ATPAF1: variants seen among roughly 807,000 people sequenced by gnomAD.
The protein encoded by ATPAF1 is homolog of yeast ATP11.
ATPAF1 carries 26 observed loss-of-function variants against 43.9 expected under a neutral mutation model. The ratio of observed to expected loss-of-function variants is 0.59; its 90% confidence interval spans 0.43 to 0.82. The LOEUF is 0.82. ATPAF1 is among the 40% of genes least tolerant of loss of function. The pLI, the probability that ATPAF1 is intolerant of heterozygous loss-of-function variation, is 0.00. For synonymous variants in ATPAF1, 157 were observed against 168.0 expected, an observed-to-expected ratio of 0.93 and a Z score of 0.50; for missense variants, 366 against 435.0, an observed-to-expected ratio of 0.84 and a Z score of 1.41.
chr1:46,644,673 T>C (rs933785650), intron 7 of ATPAF1, among the ~76,000 whole-genome samples: 3 of 152,100 alleles, frequency 2.0e-5, no homozygotes, highest in African/African-American at 7.2e-5. Flanking sequence ...AACTTTTAAA[T>C]ATAATATTTA....
chr1:46,656,046 T>C (rs556024589), intron 4 of ATPAF1, among the ~76,000 whole-genome samples: 1 of 152,262 alleles, frequency 6.6e-6, no homozygotes, highest in African/African-American at 2.4e-5. Context: ...TGATAGATGA[T>C]TGTGAAATAA....
At chr1:46,643,648 G>A (rs1206862596) in intron 7 of ATPAF1, among the ~76,000 whole-genome samples, 6 of 152,228 alleles carry the variant, frequency 3.9e-5, no homozygotes, top group Non-Finnish European at 8.8e-5. Flanking sequence ...CTGTGTAATT[G>A]CCACTTTCAT....
chr1:46,648,569 C>A lies in ATPAF1; in HGVS notation c.589-3313G>T, dbSNP rs533205370. Among the ~76,000 whole-genome samples, 46 of 152,250 alleles carry A rather than the reference C, an allele frequency of 3.0e-4. 1 individual carries two copies. In the South Asian group the frequency reaches 9.3e-3, roughly 31 times the overall value. On this transcript the variant is annotated intron_variant, in intron 6 of 8. Coordinates refer to ENST00000574428, the Ensembl canonical transcript of ATPAF1. Reference sequence around the variant, plus strand: ...TTTTTTTTATAGAGACAAGGTCTCACTATATTGCCCAAGGTGATTTTTTTC... The same window carrying A: ...TTTTTTTTATAGAGACAAGGTCTCAATATATTGCCCAAGGTGATTTTTTTC...
At chr1:46,657,765 AAGG>A (rs1676299903) in intron 4 of ATPAF1, among the ~76,000 whole-genome samples, 1 of 152,178 alleles carries the variant, frequency 6.6e-6, no homozygotes, top group African/African-American at 2.4e-5. Context: ...TCCATAATGA[AAGG>A]AGAAGTTTCA....
At chr1:46,650,843 A>G (rs561228397) in intron 6 of ATPAF1, among the ~76,000 whole-genome samples, 7 of 151,788 alleles carry the variant, frequency 4.6e-5, no homozygotes, top group African/African-American at 1.4e-4. Flanking sequence ...TCATAGAAGG[A>G]GAGAGTAGGA....
At position 46,638,591 on chromosome 1, in the gene ATPAF1, C is replaced by G. The variant is rs971033397; in HGVS notation, c.793-2621G>C. 3.3e-5 allele frequency among the ~76,000 whole-genome samples: 5 copies of G among 149,996 alleles called. No individual in the cohort carries two copies. In the Admixed American group the frequency reaches 3.3e-4, roughly 10 times the overall value. Reference sequence around the variant, plus strand: ...GAGCCGAGATCCAGCCACTGCACTCCAGCCTTGGTGAAAAGAGCAAGACTG... The same window carrying G: ...GAGCCGAGATCCAGCCACTGCACTCGAGCCTTGGTGAAAAGAGCAAGACTG... On this transcript the variant is annotated intron_variant, in intron 8 of 8. Transcript: ENST00000574428.
chr1:46,636,178 C>T (rs1044120352), intron 8 of ATPAF1: 1 of 648,266 alleles, frequency 1.5e-6, no homozygotes, highest in Admixed American at 2.6e-5. Context: ...ATTTATCACA[C>T]TGTATTGTAT....
chr1:46,638,453 C>T (rs1021291720), intron 8 of ATPAF1, among the ~76,000 whole-genome samples: 8 of 152,186 alleles, frequency 5.3e-5, no homozygotes, highest in Non-Finnish European at 1.2e-4. Context: ...CCCGTCTCTA[C>T]TACAAATACA....
In ATPAF1 at chr1:46,653,184, TC is replaced by T. The variant is rs1676203593; in HGVS notation, c.541-557del. Among the ~76,000 whole-genome samples, 1 of 151,836 alleles carries T rather than the reference TC, an allele frequency of 6.6e-6. No individual in the cohort carries two copies. On this transcript the variant is annotated intron_variant, in intron 5 of 8. Transcript: ENST00000574428. The surrounding 1 kb of genome is among the most constrained non-coding windows in gnomAD (Gnocchi z 4.8). Reference sequence around the variant, plus strand: ...GAAACTTAACCTAAGCTCCCACCCCTCCTTCAGGGAAAAACAAAGAACTAGC... The same window carrying T: ...GAAACTTAACCTAAGCTCCCACCCCTCTTCAGGGAAAAACAAAGAACTAGC...
intron 4 of ATPAF1, among the ~76,000 whole-genome samples, chr1:46,656,261 G>A (rs1676271646): frequency 6.6e-6 from 1 of 152,168 alleles, no homozygotes; most frequent in South Asian, 2.1e-4. Flanking sequence ...AGGCATAGAA[G>A]TAGAGGAGGG....
At chr1:46,640,901 C>T (rs1428339981) in intron 8 of ATPAF1, among the ~76,000 whole-genome samples, 1 of 152,102 alleles carries the variant, frequency 6.6e-6, no homozygotes, top group Non-Finnish European at 1.5e-5. Flanking sequence ...ACTTATACCA[C>T]TACCTCTATC....
At chr1:46,641,620 T>C (rs1247643055) in intron 8 of ATPAF1, among the ~76,000 whole-genome samples, 1 of 152,224 alleles carries the variant, frequency 6.6e-6, no homozygotes, top group Non-Finnish European at 1.5e-5. Flanking sequence ...GTGACTTCCA[T>C]GTTTGTGAAA....
At chr1:46,641,695 A>C (rs1466165253) in intron 8 of ATPAF1, among the ~76,000 whole-genome samples, 1 of 152,202 alleles carries the variant, frequency 6.6e-6, no homozygotes, top group Non-Finnish European at 1.5e-5. Flanking sequence ...TGAGTTGAGC[A>C]GTCCCTATTC....
Position 46,668,174 on chromosome 1 carries a change from C to A in ATPAF1, c.149G>T (p.Arg50Leu). The A allele has an allele frequency of 7.1e-7, 1 of 1,401,588 alleles. No homozygotes were observed. Among genetic ancestry groups the A allele is most frequent in the Non-Finnish European group, 9.3e-7 (1 of 1,078,438 alleles). 86.8% of individuals were successfully genotyped at this position (1,401,588 alleles called of 1,614,324 possible). A position where few individuals can be genotyped will look rare whatever the true frequency, so the allele number is the denominator to read the frequency against. ...CCCCTCGGGCCGGCCCGAGCCGGGG[C>A]GCACTGGGAAGACGCGCAGCTGCGC... Residue 50 changes from arginine (R) to leucine (L), a missense_variant, in exon 1 of 9, where the codon CGC (arginine) becomes CTC (leucine). Physicochemically the swap from Arg to Leu is moderately radical, Grantham distance 102. Coordinates refer to ENST00000574428, the Ensembl canonical transcript of ATPAF1. This position sits in a 1 kb window ranked among gnomAD's most constrained non-coding sequence, Gnocchi z 4.4.
At chr1:46,641,578 A>G (rs1260507102) in intron 8 of ATPAF1, among the ~76,000 whole-genome samples, 2 of 151,998 alleles carry the variant, frequency 1.3e-5, no homozygotes, top group East Asian at 3.8e-4. Context: ...CTCCAATCAC[A>G]CTTTTATGAA....
At chr1:46,667,765 C>T (rs1384272050) in intron 1 of ATPAF1, among the ~76,000 whole-genome samples, 3 of 152,318 alleles carry the variant, frequency 2.0e-5, no homozygotes, top group East Asian at 1.9e-4. Context: ...ATAATGAGGA[C>T]AGGTGTCTCT....
exon 8 of ATPAF1, chr1:46,643,220 T>G: frequency 6.2e-7 from 1 of 1,613,650 alleles, no homozygotes; most frequent in East Asian, 2.2e-5. Flanking sequence ...ATTTCTGCAG[T>G]CATCAGCACT....
intron 3 of ATPAF1, 94 bp downstream of exon 3, chr1:46,658,593 G>T: frequency 1.1e-6 from 1 of 893,454 alleles, no homozygotes; most frequent in Non-Finnish European, 1.7e-6. Context: ...CAAAATCACT[G>T]AGCCACAGTA....
Position 46,640,674 on chromosome 1 carries a change from T to C in ATPAF1, c.792+2520A>G, listed in dbSNP as rs371561097. 6.6e-5 allele frequency among the ~76,000 whole-genome samples: 10 copies of C among 152,094 alleles called. No individual in the cohort carries two copies. The South Asian group carries it at 1.3e-3, about 19-fold the overall frequency. On this transcript the variant is annotated intron_variant, in intron 8 of 8. Coordinates refer to ENST00000574428, the Ensembl canonical transcript of ATPAF1. Reference sequence around the variant, plus strand: ...AACAAACAAACAAAAAAAGAGTTTTTCCCCCTAATCATTTAAAGAGGTAGA... The same window carrying C: ...AACAAACAAACAAAAAAAGAGTTTTCCCCCCTAATCATTTAAAGAGGTAGA...
Sources: allele counts gnomAD v4.1 joint callset (sites outside exome capture counted in the v4.1 genomes callset), GRCh38; gene constraint gnomAD v4.1.1; non-coding constraint Gnocchi (gnomAD v3.1); transcripts MANE v1.5; gene names NCBI Gene and HGNC (gene_info 2026-07-23, HGNC 2026-07-21).